The following ZFYVE9 variants were observed in gnomAD, a reference collection of about 807,000 sequenced individuals.
ZFYVE9 encodes the protein zinc finger FYVE domain-containing protein 9.
In ZFYVE9, 43 loss-of-function variants were observed where a neutral mutation model predicts 126.7. The observed-to-expected ratio is 0.34, with a 90% CI of 0.27 to 0.44. The LOEUF is 0.44. ZFYVE9 is among the 20% of genes least tolerant of loss of function. ZFYVE9 has a pLI of 1.00. For synonymous variants in ZFYVE9, 521 were observed against 597.4 expected (o/e 0.87, Z 1.87); for missense variants, 1,476 against 1,697.0 (o/e 0.87, Z 2.29).
rs190711129 is a variant in ZFYVE9 at position 52,232,424 on chromosome 1, G to A, written c.-36-747G>A. Among the ~76,000 whole-genome samples, 28 of 152,198 alleles carry A rather than the reference G, an allele frequency of 1.8e-4. No individual in the cohort carries two copies. In the East Asian group the frequency reaches 4.2e-3, roughly 23 times the overall value. ...ATGGTTTAGAAATGGTACTCGAAGA[G>A]GGTTACAAGAATAACCAGGTCAGGG... On this transcript the variant is annotated intron_variant, in intron 2 of 18. Transcript: ENST00000287727.
chr1:52,197,607 A>G (rs1366425106), intron 1 of ZFYVE9, among the ~76,000 whole-genome samples: 1 of 57,726 alleles, frequency 1.7e-5, no homozygotes, highest in Non-Finnish European at 4.9e-5. Context: ...TCAAAAAAAA[A>G]TAGAAGAAAG....
At chr1:52,341,420 C>A (rs1646436594) in intron 17 of ZFYVE9, among the ~76,000 whole-genome samples, 1 of 152,154 alleles carries the variant, frequency 6.6e-6, no homozygotes. Context: ...GGCAGTGACC[C>A]TTTTTTGTAT....
At chr1:52,148,018 A>G (rs913601108) in intron 1 of ZFYVE9, among the ~76,000 whole-genome samples, 5 of 151,948 alleles carry the variant, frequency 3.3e-5, no homozygotes, top group African/African-American at 1.2e-4. Flanking sequence ...ACTAACCTCA[A>G]ATGATCCACC....
intron 13 of ZFYVE9, among the ~76,000 whole-genome samples, chr1:52,328,046 C>G (rs1301433767): frequency 6.6e-6 from 1 of 151,410 alleles, no homozygotes; most frequent in African/African-American, 2.4e-5. Flanking sequence ...GGTAGGCCAT[C>G]AGGAAGTAGT....
intron 1 of ZFYVE9, among the ~76,000 whole-genome samples, chr1:52,177,883 T>C (rs975171027): frequency 6.6e-6 from 1 of 151,650 alleles, no homozygotes; most frequent in South Asian, 2.1e-4. Context: ...AGAGGTAAAG[T>C]AGATACTTAG....
Position 52,166,337 on chromosome 1 carries a change from C to T in ZFYVE9, c.-143+23934C>T, listed in dbSNP as rs577797510. On this transcript the variant is annotated intron_variant, in intron 1 of 18. Coordinates refer to ENST00000287727, the MANE Select transcript of ZFYVE9 (RefSeq NM_004799.4). ...ATACATACTAAGATGTGGATTCCCG[C>T]GAGTCTGTGGACTACAATTTGAGAA... Among the ~76,000 whole-genome samples the T allele has an allele frequency of 4.6e-5, 7 of 152,246 alleles. No homozygotes were observed. In the South Asian group the frequency reaches 8.3e-4, roughly 18 times the overall value.
chr1:52,144,368 CATT>C (rs1644289170), intron 1 of ZFYVE9, among the ~76,000 whole-genome samples: 1 of 151,896 alleles, frequency 6.6e-6, no homozygotes, highest in Non-Finnish European at 1.5e-5. Flanking sequence ...AGACCACCAA[CATT>C]AGAATCAGTT....
chr1:52,217,398 C>G (rs1276917203), intron 2 of ZFYVE9, among the ~76,000 whole-genome samples: 2 of 152,296 alleles, frequency 1.3e-5, no homozygotes, highest in Admixed American at 6.5e-5. Flanking sequence ...AAGAGGAACT[C>G]AAGTCGTCCC....
At chr1:52,183,458 G>C (rs1035067212) in intron 1 of ZFYVE9, among the ~76,000 whole-genome samples, 7 of 152,146 alleles carry the variant, frequency 4.6e-5, no homozygotes, top group African/African-American at 1.7e-4. Context: ...ACCTGTGTTT[G>C]TACTTTTGCC....
At chr1:52,272,721 A>AT (rs1451488177) in intron 7 of ZFYVE9, among the ~76,000 whole-genome samples, 2 of 145,076 alleles carry the variant, frequency 1.4e-5, no homozygotes, top group African/African-American at 5.4e-5. Flanking sequence ...CCAGACTGGA[A>AT]TGCAGTGGCA....
chr1:52,201,412 C>CT (rs1261090817), intron 1 of ZFYVE9, among the ~76,000 whole-genome samples: 1 of 124,062 alleles, frequency 8.1e-6, no homozygotes, highest in African/African-American at 3.0e-5. Flanking sequence ...GAGTCTTGCT[C>CT]TGTCTCCAGG....
intron 10 of ZFYVE9, among the ~76,000 whole-genome samples, chr1:52,285,416 G>T (rs1469541969): frequency 2.6e-5 from 4 of 152,148 alleles, no homozygotes; most frequent in Admixed American, 2.6e-4. Context: ...TGAGGGGCAG[G>T]CAAGCAAGTA....
intron 2 of ZFYVE9, among the ~76,000 whole-genome samples, chr1:52,220,422 TG>T (rs1421978693): frequency 6.6e-6 from 1 of 152,036 alleles, no homozygotes; most frequent in African/African-American, 2.4e-5. Flanking sequence ...ACCCAGTGGG[TG>T]AGATGGTCTA....
At chr1:52,277,885 T>G (rs892894971) in intron 8 of ZFYVE9, among the ~76,000 whole-genome samples, 3 of 152,232 alleles carry the variant, frequency 2.0e-5, no homozygotes, top group Admixed American at 6.5e-5. Context: ...TTATGTGTGA[T>G]TTACTGATGA....
intron 12 of ZFYVE9, among the ~76,000 whole-genome samples, chr1:52,300,324 G>A (rs1646021599): frequency 6.6e-6 from 1 of 152,162 alleles, no homozygotes; most frequent in Non-Finnish European, 1.5e-5. Context: ...GGGCGTAGTG[G>A]CTCATGCCTG....
chr1:52,287,863 T>C (rs1411700236), intron 10 of ZFYVE9, among the ~76,000 whole-genome samples: 1 of 152,136 alleles, frequency 6.6e-6, no homozygotes, highest in Non-Finnish European at 1.5e-5. Context: ...TGAGACCCTA[T>C]CTTTAAAAAT....
At chr1:52,286,936 C>T (rs1208082720) in intron 10 of ZFYVE9, among the ~76,000 whole-genome samples, 2 of 152,100 alleles carry the variant, frequency 1.3e-5, no homozygotes, top group Non-Finnish European at 2.9e-5. Flanking sequence ...GATTATGCTA[C>T]TCCCAACCGT....
intron 1 of ZFYVE9, among the ~76,000 whole-genome samples, chr1:52,203,458 CA>C (rs1308143166): frequency 8.5e-6 from 1 of 118,032 alleles, no homozygotes; most frequent in African/African-American, 3.3e-5. Context: ...GGTGGGGTTA[CA>C]GACCCGTCTT....
At chr1:52,190,912 A>G (rs1001259578) in intron 1 of ZFYVE9, among the ~76,000 whole-genome samples, 3 of 152,080 alleles carry the variant, frequency 2.0e-5, no homozygotes, top group Admixed American at 1.3e-4. Flanking sequence ...AAATAGATAA[A>G]TATCTATTAT....
Sources: gnomAD v4.1 joint callset for allele counts (sites outside exome capture counted in the v4.1 genomes callset) on GRCh38, gnomAD v4.1.1 for gene constraint, MANE v1.5 for transcripts, NCBI Gene and HGNC (gene_info 2026-07-23, HGNC 2026-07-21) for gene names.